ZNF76: variants seen among roughly 807,000 people sequenced by gnomAD.
ZNF76 encodes zinc finger protein 76, also known as zinc finger protein 523.
In ZNF76, 66 loss-of-function variants were observed where a neutral mutation model predicts 66.9. That is an observed-to-expected ratio of 0.99 (90% CI 0.81 to 1.21). ZNF76 has a LOEUF of 1.21. ZNF76 is among the 50% of genes most tolerant of loss of function. The probability of loss-of-function intolerance (pLI) is 0.00; values close to 1 mark genes in which losing one functional copy is unlikely to be tolerated. For synonymous variants in ZNF76, 275 were observed against 296.1 expected, an observed-to-expected ratio of 0.93 and a Z score of 0.73; for missense variants, 729 against 760.3, an observed-to-expected ratio of 0.96 and a Z score of 0.48.
intron 1 of ZNF76, among the ~76,000 whole-genome samples, chr6:35,270,961 G>A (rs927149670): frequency 2.6e-5 from 4 of 152,194 alleles, no homozygotes; most frequent in African/African-American, 4.8e-5. Flanking sequence ...CTGCCTAGGC[G>A]ACAGAGCAAG....
At chr6:35,276,467 C>T (rs1168638379) in intron 1 of ZNF76, among the ~76,000 whole-genome samples, 5 of 152,186 alleles carry the variant, frequency 3.3e-5, no homozygotes, top group Non-Finnish European at 5.9e-5. Flanking sequence ...CATTTAATCC[C>T]TTACAGCAGG....
intron 1 of ZNF76, among the ~76,000 whole-genome samples, chr6:35,266,122 T>C (rs1407574794): frequency 6.6e-6 from 1 of 151,444 alleles, no homozygotes; most frequent in Non-Finnish European, 1.5e-5. Flanking sequence ...GGACTGGATG[T>C]GATATATAAA....
At chr6:35,283,577 G>T (rs1789098672) in intron 2 of ZNF76, among the ~76,000 whole-genome samples, 1 of 152,216 alleles carries the variant, frequency 6.6e-6, no homozygotes, top group South Asian at 2.1e-4. Flanking sequence ...TGAGGCCCTT[G>T]TCAGTCAGCT....
Position 35,292,583 on chromosome 6 carries a change from G to A in ZNF76, c.961G>A (p.Gly321Ser). 2.5e-6 allele frequency: 4 copies of A among 1,613,574 alleles called. No individual in the cohort carries two copies. The highest frequency in any genetic ancestry group is 1.7e-5 in the Admixed American group (1 of 60,014). Reference sequence around the variant, plus strand: ...GAAGCCATACGTTTGCACGGTGCCAGGCTGCGGGAAACGCTTCACCGAGTA... The same window carrying A: ...GAAGCCATACGTTTGCACGGTGCCAAGCTGCGGGAAACGCTTCACCGAGTA... Reference protein sequence around the residue: ...GEKPYVCTVPGCGKRFTEYSS... With the variant: ...GEKPYVCTVPSCGKRFTEYSS... Residue 321 changes from glycine (G) to serine (S), a missense_variant, in exon 10 of 14, where the codon GGC becomes AGC. Physicochemically the swap from Gly to Ser is moderately conservative, Grantham distance 56. Coordinates refer to ENST00000373953, the MANE Select transcript of ZNF76 (RefSeq NM_003427.5). The surrounding 1 kb of genome is among the most constrained non-coding windows in gnomAD (Gnocchi z 4.7).
Position 35,290,324 on chromosome 6 carries a change from C to T in ZNF76, c.491C>T (p.Ala164Val). 2 of 1,614,230 alleles carry T rather than the reference C, an allele frequency of 1.2e-6. No homozygotes were observed. Among genetic ancestry groups the T allele is most frequent in the Non-Finnish European group, 1.7e-6 (2 of 1,180,040 alleles). The change falls in exon 6 of 14, where the codon GCA (alanine) becomes GTA (valine). Residue 164 changes from alanine (A) to valine (V), a missense_variant. By Grantham distance (64) the Ala-to-Val change is moderately conservative. Coordinates refer to ENST00000373953, the MANE Select transcript of ZNF76 (RefSeq NM_003427.5). ...AAAGGGCAGCAAGTTGGAGACAGAGCATTCCGCTGTGGCTACAAGGGCTGT... is the reference window on the plus strand; with the variant it reads ...AAAGGGCAGCAAGTTGGAGACAGAGTATTCCGCTGTGGCTACAAGGGCTGT... ...NGKGQQVGDR[A>V]FRCGYKGCGR... is the part of the protein sequence containing the mutation.
intron 1 of ZNF76, among the ~76,000 whole-genome samples, chr6:35,270,998 C>T (rs910113026): frequency 7.9e-5 from 6 of 76,254 alleles, no homozygotes; most frequent in South Asian, 6.3e-4. Flanking sequence ...AAATAAATGG[C>T]ACTGTTTTAT....
At chr6:35,279,856 CAG>C (rs1193200054) in intron 1 of ZNF76, 1 of 152,094 alleles carries the variant, frequency 6.6e-6, no homozygotes, top group African/African-American at 2.4e-5. Flanking sequence ...ATTTTTGAGA[CAG>C]AGTCTCTTTA....
chr6:35,291,934 A>G (rs1462377662), intron 9 of ZNF76, 197 bp downstream of exon 9: 2 of 653,584 alleles, frequency 3.1e-6, no homozygotes, highest in Admixed American at 5.2e-5. Context: ...GTTAGGTCCA[A>G]TCTGAAAGGT....
chr6:35,272,317 A>T (rs1300064893), intron 1 of ZNF76, among the ~76,000 whole-genome samples: 4 of 152,172 alleles, frequency 2.6e-5, no homozygotes, highest in Non-Finnish European at 5.9e-5. Context: ...GTAAATAAAT[A>T]AATTAGCCAG....
chr6:35,293,015 G>T lies in ZNF76; in HGVS notation c.1300G>T (p.Ala434Ser), dbSNP rs747914167. The T allele has an allele frequency of 2.5e-6, 4 of 1,614,112 alleles. No homozygotes were observed. The East Asian group carries it at 8.9e-5, about 36-fold the overall frequency. Residue 434 changes from alanine to serine, a missense_variant, in exon 11 of 14, where the codon GCT becomes TCT. Coordinates refer to ENST00000373953, the MANE Select transcript of ZNF76 (RefSeq NM_003427.5). ...TGAAGAAGATGGGGCCCCCCAGGTG[G>T]CTCTGATCACTCAGGATGGTGCCCA... ...VTEEDGAPQV[A>S]LITQDGAQQV...
At chr6:35,293,335 A>T (rs1790712871) in intron 11 of ZNF76, among the ~76,000 whole-genome samples, 1 of 152,180 alleles carries the variant, frequency 6.6e-6, no homozygotes, top group African/African-American at 2.4e-5. Flanking sequence ...TGTCCTTCTC[A>T]AGAGAGGCAT....
At chr6:35,270,683 G>T (rs888602299) in intron 1 of ZNF76, among the ~76,000 whole-genome samples, 7 of 150,318 alleles carry the variant, frequency 4.7e-5, no homozygotes, top group African/African-American at 1.7e-4. Flanking sequence ...TCTGCCTCCC[G>T]AGTAGCTGGG....
rs779164841 is a variant in ZNF76 at position 35,288,096 on chromosome 6, C to T, written c.432+251C>T. On this transcript the variant is annotated intron_variant, in intron 5 of 13. Coordinates refer to ENST00000373953, the MANE Select transcript of ZNF76 (RefSeq NM_003427.5). ...AGCTGTTTACGCTCACTTTTGTTTA[C>T]GCTGTCTTTGCAGAGGGAAAGCTGC... 6.6e-5 allele frequency: 44 copies of T among 668,404 alleles called. 1 individual carries two copies. Among genetic ancestry groups the T allele is most frequent in the South Asian group, 2.7e-4 (18 of 66,488 alleles). 41.4% of individuals were successfully genotyped at this position (668,404 alleles called of 1,614,324 possible). A position where few individuals can be genotyped will look rare whatever the true frequency, so the allele number is the denominator to read the frequency against.
At chr6:35,266,370 C>G (rs1287766521) in intron 1 of ZNF76, among the ~76,000 whole-genome samples, 3 of 151,976 alleles carry the variant, frequency 2.0e-5, no homozygotes, top group African/African-American at 7.3e-5. Flanking sequence ...CCAGGCTGGT[C>G]TCAAACTCCT....
intron 13 of ZNF76, chr6:35,294,846 C>G (rs1000667722): frequency 2.5e-5 from 14 of 569,290 alleles, no homozygotes; most frequent in Non-Finnish European, 3.5e-5. Flanking sequence ...GTTTCTTCAT[C>G]TGGAAATGAA....
rs1345402121 is a variant in ZNF76, at chr6:35,293,196, C to T, written c.1329+152C>T. ...TCAGAGGCTGAGGCTGAGGAGACCA[C>T]ATCTTGCAGCACAGCCTCTCCTCCT... On this transcript the variant is annotated intron_variant, in intron 11 of 13. Transcript: ENST00000373953. 10 of 883,946 alleles carry T rather than the reference C, an allele frequency of 1.1e-5. No individual in the cohort carries two copies. The African/African-American group carries it at 1.4e-4, about 12-fold the overall frequency. 54.8% of individuals were successfully genotyped at this position (883,946 alleles called of 1,614,324 possible).
intron 12 of ZNF76, 76 bp from the exon 13 acceptor site, chr6:35,294,380 G>A: frequency 9.9e-7 from 1 of 1,013,008 alleles, no homozygotes; most frequent in East Asian, 2.4e-5. Flanking sequence ...CACCTTAATT[G>A]GAGGGATGTT....
intron 13 of ZNF76, 194 bp downstream of exon 13, chr6:35,294,763 C>G: frequency 1.6e-6 from 1 of 633,382 alleles, no homozygotes; most frequent in South Asian, 1.8e-5. Context: ...AATGTTGAAG[C>G]CTCTTCTGGC....
intron 1 of ZNF76, among the ~76,000 whole-genome samples, chr6:35,269,280 CAAAAAA>C (rs10615994): frequency 9.7e-5 from 8 of 82,228 alleles, no homozygotes; most frequent in Admixed American, 3.2e-4. Flanking sequence ...GACTCTGTCT[CAAAAAA>C]AAAAAAAAAA....
Sources: allele counts gnomAD v4.1 joint callset (sites outside exome capture counted in the v4.1 genomes callset), GRCh38; gene constraint gnomAD v4.1.1; non-coding constraint Gnocchi (gnomAD v3.1); transcripts MANE v1.5; gene names NCBI Gene and HGNC (gene_info 2026-07-23, HGNC 2026-07-21).